The following PTPRN2 variants were observed in gnomAD, a reference collection of about 807,000 sequenced individuals.
PTPRN2 encodes receptor-type tyrosine-protein phosphatase N2.
Under a neutral mutation model 118.8 loss-of-function variants are expected in PTPRN2, and 74 were observed. That is an observed-to-expected ratio of 0.62 (90% CI 0.52 to 0.76). PTPRN2 has a LOEUF of 0.76. Ranked by LOEUF, PTPRN2 falls within the 30% of genes least tolerant of loss-of-function variation. The probability of loss-of-function intolerance (pLI) is 0.00; values close to 1 mark genes in which losing one functional copy is unlikely to be tolerated. For missense variants in PTPRN2, 1,481 were observed against 1,394.4 expected, an observed-to-expected ratio of 1.06 and a Z score of -0.99; for synonymous variants, 641 against 608.0, an observed-to-expected ratio of 1.05 and a Z score of -0.80.
chr7:158,336,568 A>G (rs1388463053), intron 2 of PTPRN2, among the ~76,000 whole-genome samples: 2 of 145,150 alleles, frequency 1.4e-5, no homozygotes, highest in African/African-American at 2.6e-5. Context: ...CACTCACCAT[A>G]AGAGTTGACA....
At chr7:157,757,121 C>A (rs2056569162) in intron 12 of PTPRN2, among the ~76,000 whole-genome samples, 1 of 152,110 alleles carries the variant, frequency 6.6e-6, no homozygotes, top group Admixed American at 6.6e-5. Context: ...AAACCTCCCC[C>A]ACCCCCTAAA....
At chr7:158,145,908 G>A (rs372245779) in intron 6 of PTPRN2, among the ~76,000 whole-genome samples, 4 of 152,162 alleles carry the variant, frequency 2.6e-5, no homozygotes, top group East Asian at 3.8e-4. Context: ...TGTGGTTTGG[G>A]GCAAGCTCGC....
At chr7:158,500,847 T>C (rs1393301934) in intron 1 of PTPRN2, among the ~76,000 whole-genome samples, 1 of 152,262 alleles carries the variant, frequency 6.6e-6, no homozygotes, top group East Asian at 1.9e-4. Context: ...TCTGACCTAA[T>C]GCGTCCGGAG....
chr7:157,979,994 T>C (rs1479563602), intron 11 of PTPRN2, among the ~76,000 whole-genome samples: 1 of 152,200 alleles, frequency 6.6e-6, no homozygotes. Context: ...ATAGAGTCTA[T>C]TTCCTCAGCA....
At chr7:158,337,715 C>T (rs1334594238) in intron 2 of PTPRN2, among the ~76,000 whole-genome samples, 4 of 147,586 alleles carry the variant, frequency 2.7e-5, no homozygotes, top group East Asian at 2.0e-4. Context: ...TAAGAGCTGA[C>T]GCCCGCAGAC....
At chr7:157,795,647 G>A (rs1804822653) in intron 12 of PTPRN2, among the ~76,000 whole-genome samples, 1 of 152,204 alleles carries the variant, frequency 6.6e-6, no homozygotes, top group Admixed American at 6.5e-5. Context: ...TCAAGCTATT[G>A]ATAACAACAA....
At chr7:157,552,857 G>A (rs151201199) in intron 21 of PTPRN2, among the ~76,000 whole-genome samples, 355 of 152,314 alleles carry the variant, frequency 2.3e-3, no homozygotes, top group African/African-American at 8.3e-3. Flanking sequence ...CTCACCTCTG[G>A]AGGGGCTTTC....
chr7:157,671,909 G>A lies in PTPRN2; in HGVS notation c.2001+10816C>T, dbSNP rs1796435705. ...CGAAGGGTGCTGAGCCCTAAGGTCT[G>A]TACGGGGAGTTTCTAAAAGTCTACG... On this transcript the variant is annotated intron_variant, in intron 13 of 22. Transcript: ENST00000389418. The surrounding 1 kb of genome is among the most constrained non-coding windows in gnomAD (Gnocchi z 4.1). 6.6e-6 allele frequency among the ~76,000 whole-genome samples: 1 copy of A among 152,134 alleles called. No individual in the cohort carries two copies. Among genetic ancestry groups the A allele is most frequent in the Admixed American group, 6.5e-5 (1 of 15,270 alleles).
chr7:158,031,349 G>A (rs1455900673), intron 11 of PTPRN2, among the ~76,000 whole-genome samples: 1 of 152,158 alleles, frequency 6.6e-6, no homozygotes, highest in Non-Finnish European at 1.5e-5. Flanking sequence ...GACATTTGGG[G>A]TCTATTTGGT....
At chr7:157,790,022 GTGTGTGTGGTGGGGGTGTGTGTGGTGTT>G (rs1804354510) in intron 12 of PTPRN2, among the ~76,000 whole-genome samples, 1 of 130,496 alleles carries the variant, frequency 7.7e-6, no homozygotes, top group Admixed American at 7.6e-5. Context: ...TGGTGTGAAT[GTGTGTGTGGTGGGGGTGTGTGTGGTGTT>G]TGTGTGGTGT....
rs58890545 is a variant in PTPRN2 at position 158,251,612 on chromosome 7, T to C, written c.278-46339A>G. ...ATGTCTATGGTGCATGTGGGGCGTG[T>C]GCAGGTGTGCAATGGATGTCTATGG... On this transcript the variant is annotated intron_variant, in intron 3 of 22. Transcript: ENST00000389418. Among the ~76,000 whole-genome samples, 570 of 148,496 alleles carry C rather than the reference T, an allele frequency of 3.8e-3. 2 individuals carry two copies. Among genetic ancestry groups the C allele is most frequent in the African/African-American group, 0.014 (545 of 39,814 alleles).
chr7:158,073,066 C>A (rs1217095994), intron 11 of PTPRN2, among the ~76,000 whole-genome samples: 1 of 152,146 alleles, frequency 6.6e-6, no homozygotes, highest in Non-Finnish European at 1.5e-5. Flanking sequence ...TCGGCTGTAG[C>A]TGAGGCAGGA....
At chr7:158,117,831 T>G (rs1816850407) in intron 9 of PTPRN2, among the ~76,000 whole-genome samples, 1 of 151,944 alleles carries the variant, frequency 6.6e-6, no homozygotes, top group East Asian at 1.9e-4. Flanking sequence ...AAAATTGCAC[T>G]TCAAAAGTGA....
chr7:157,908,564 G>A (rs971610631), intron 11 of PTPRN2, among the ~76,000 whole-genome samples: 11 of 152,196 alleles, frequency 7.2e-5, no homozygotes, highest in Non-Finnish European at 1.2e-4. Flanking sequence ...AAATGTGGAG[G>A]CGCCCCGCAG....
rs1044812640 is a variant in PTPRN2, at chr7:157,596,185, T to C, written c.2419-870A>G. ...GCGTCCTGGGAGAACGAACTAGCGCTACCTGCTGCTTCCCTGCTGGAGTTA... is the reference window on the plus strand; with the variant it reads ...GCGTCCTGGGAGAACGAACTAGCGCCACCTGCTGCTTCCCTGCTGGAGTTA... On this transcript the variant is annotated intron_variant, in intron 16 of 22. Coordinates refer to ENST00000389418, the MANE Select transcript of PTPRN2 (RefSeq NM_002847.5). This position sits in a 1 kb window ranked among gnomAD's most constrained non-coding sequence, Gnocchi z 4.2. Among the ~76,000 whole-genome samples the C allele has an allele frequency of 6.6e-6, 1 of 152,244 alleles. No individual in the cohort carries two copies. Among genetic ancestry groups the C allele is most frequent in the African/African-American group, 2.4e-5 (1 of 41,476 alleles).
chr7:158,365,487 G>C (rs1425967724), intron 2 of PTPRN2, among the ~76,000 whole-genome samples: 1 of 152,142 alleles, frequency 6.6e-6, no homozygotes, highest in Non-Finnish European at 1.5e-5. Flanking sequence ...CAATCAGCTG[G>C]AGTGACAGGA....
In PTPRN2 at chr7:158,087,877, A is replaced by AC. The variant is rs1491414708; in HGVS notation, c.1644-6501_1644-6500insG. ...CTGATGAAGGAGGGAGTCTTCACAC[A>AC]AACCTTCTTCCCCTGATGAAAGAGG... is the stretch of plus-strand genomic sequence containing the variant. On this transcript the variant is annotated intron_variant, in intron 10 of 22. Coordinates refer to ENST00000389418, the MANE Select transcript of PTPRN2 (RefSeq NM_002847.5). 4.2e-4 allele frequency among the ~76,000 whole-genome samples: 35 copies of AC among 83,776 alleles called. 1 individual carries two copies. Among genetic ancestry groups the AC allele is most frequent in the Non-Finnish European group, 8.0e-4 (27 of 33,960 alleles). 55.0% of individuals were successfully genotyped at this position (83,776 alleles called of 152,430 possible).
chr7:157,952,224 G>A (rs573162742), intron 11 of PTPRN2, among the ~76,000 whole-genome samples: 12 of 152,206 alleles, frequency 7.9e-5, no homozygotes, highest in Non-Finnish European at 1.3e-4. Flanking sequence ...CTCGCCAGAC[G>A]CGGGCGATGG....
At chr7:158,306,864 T>G (rs4909175) in intron 3 of PTPRN2, among the ~76,000 whole-genome samples, 7,634 of 137,036 alleles carry the variant, frequency 0.056, 237 homozygotes, top group East Asian at 0.13. Context: ...TGTTTTTTTT[T>G]TTTTTTTTTT....
Sources: allele counts gnomAD v4.1 joint callset (sites outside exome capture counted in the v4.1 genomes callset), GRCh38; gene constraint gnomAD v4.1.1; non-coding constraint Gnocchi (gnomAD v3.1); transcripts MANE v1.5; gene names NCBI Gene and HGNC (gene_info 2026-07-23, HGNC 2026-07-21).